Variants in SMCHD1 observed in about 807,000 individuals in gnomAD.
SMCHD1 encodes the protein structural maintenance of chromosomes flexible hinge domain containing 1.
Under a neutral mutation model 254.7 loss-of-function variants are expected in SMCHD1, and 78 were observed. The observed-to-expected ratio is 0.31, with a 90% CI of 0.26 to 0.37. The LOEUF is 0.37. Ranked by LOEUF, SMCHD1 falls within the 10% of genes least tolerant of loss-of-function variation. The pLI, the probability that SMCHD1 is intolerant of heterozygous loss-of-function variation, is 1.00. For synonymous variants in SMCHD1, 766 were observed against 794.9 expected (o/e 0.96, Z 0.61); for missense variants, 1,840 against 2,408.1 (o/e 0.76, Z 4.94).
At chr18:2,799,608 A>G (rs1184423640) in intron 47 of SMCHD1, among the ~76,000 whole-genome samples, 2 of 152,190 alleles carry the variant, frequency 1.3e-5, no homozygotes, top group Non-Finnish European at 2.9e-5. Context: ...ATATGGGTCT[A>G]ATGTCATGAC....
At position 2,778,200 on chromosome 18, in the gene SMCHD1, T is replaced by A; in HGVS notation, c.5508T>A (p.Ile1836=). Residue 1836 remains isoleucine, a synonymous_variant, in exon 44 of 48, where the codon ATT becomes ATA. Coordinates refer to ENST00000320876, the MANE Select transcript of SMCHD1 (RefSeq NM_015295.3). ...VFGMLLGDTI[I]LDNLDAANHY... ...GTATGCTGTTAGGAGACACCATTAT[T>A]TTGGATAATCTGGATGCGGCCAATC... 6.2e-7 allele frequency: 1 copy of A among 1,610,256 alleles called. No homozygotes were observed. The highest frequency in any genetic ancestry group is 1.3e-5 in the African/African-American group (1 of 74,936).
chr18:2,755,569 T>C (rs12968551), intron 34 of SMCHD1, among the ~76,000 whole-genome samples: 53 of 128,290 alleles, frequency 4.1e-4, no homozygotes, highest in Middle Eastern at 3.8e-3. Context: ...TTCTTTCTTT[T>C]TTTTTTTTTT....
intron 44 of SMCHD1, among the ~76,000 whole-genome samples, 197 bp downstream of exon 44, chr18:2,778,436 G>A (rs186228632): frequency 3.3e-5 from 5 of 152,266 alleles, no homozygotes; most frequent in Admixed American, 6.5e-5. Flanking sequence ...TTGGGGCTAC[G>A]AAATTGTCTA....
intron 1 of SMCHD1, among the ~76,000 whole-genome samples, chr18:2,662,136 G>A (rs1317139271): frequency 1.5e-5 from 2 of 136,498 alleles, no homozygotes; most frequent in Non-Finnish European, 3.1e-5. Flanking sequence ...TCCGCAGTCC[G>A]GCCTGGGCGA....
chr18:2,796,991 AG>A (rs2076276186), intron 47 of SMCHD1: 1 of 152,274 alleles, frequency 6.6e-6, no homozygotes, highest in Admixed American at 6.5e-5. Flanking sequence ...ATAAAACTTA[AG>A]CATTATGTTT....
At chr18:2,792,509 G>A (rs1001275883) in intron 45 of SMCHD1, among the ~76,000 whole-genome samples, 1 of 152,206 alleles carries the variant, frequency 6.6e-6, no homozygotes, top group Non-Finnish European at 1.5e-5. Flanking sequence ...ACAGGGTTCA[G>A]TAGTATCCAC....
chr18:2,735,047 G>C (rs559059196), intron 25 of SMCHD1, among the ~76,000 whole-genome samples: 1 of 147,042 alleles, frequency 6.8e-6, no homozygotes, highest in East Asian at 2.0e-4. Context: ...TCCAGCCTGG[G>C]AGACAGAGCA....
At chr18:2,777,426 G>T (rs1433014177) in intron 42 of SMCHD1, among the ~76,000 whole-genome samples, 1 of 152,208 alleles carries the variant, frequency 6.6e-6, no homozygotes, top group South Asian at 2.1e-4. Flanking sequence ...CCTCATATGT[G>T]TCTCAGTCTT....
chr18:2,802,792 T>A lies in SMCHD1; in HGVS notation c.*240T>A, dbSNP rs536452395. 22 of 395,216 alleles carry A rather than the reference T, an allele frequency of 5.6e-5. No individual in the cohort carries two copies. The highest frequency in any genetic ancestry group is 4.1e-4 in the African/African-American group (20 of 48,380). The allele number at this position is 395,216 out of a possible 1,614,324, so 24.5% of individuals were successfully genotyped here. A position where few individuals can be genotyped will look rare whatever the true frequency, so the allele number is the denominator to read the frequency against. ...TTCCAGACATTATGCCCTTTGGTTG[T>A]CACTACCTTGCAAATGTGTAAGAGG... On this transcript the variant is annotated 3_prime_UTR_variant, in exon 48 of 48. Coordinates refer to ENST00000320876, the MANE Select transcript of SMCHD1 (RefSeq NM_015295.3).
rs2074842623 is a variant in SMCHD1, at chr18:2,718,104, A to G, written c.2261-54A>G. ...GTGCCAATGTGACATTGCGTATTTC[A>G]TGTTTTACGTTGAATTTCTCAAGAC... On this transcript the variant is annotated intron_variant, in intron 17 of 47. Coordinates refer to ENST00000320876, the MANE Select transcript of SMCHD1 (RefSeq NM_015295.3). The surrounding 1 kb of genome is among the most constrained non-coding windows in gnomAD (Gnocchi z 4.6). The G allele has an allele frequency of 2.9e-6, 4 of 1,397,594 alleles. No homozygotes were observed. Among genetic ancestry groups the G allele is most frequent in the Middle Eastern group, 2.1e-4 (1 of 4,664 alleles). 86.6% of individuals were successfully genotyped at this position (1,397,594 alleles called of 1,614,324 possible).
chr18:2,802,647 G>A lies in SMCHD1; in HGVS notation c.*95G>A, dbSNP rs971557145. On this transcript the variant is annotated 3_prime_UTR_variant, in exon 48 of 48. Transcript: ENST00000320876. Reference sequence around the variant, plus strand: ...GACCAAGAGGGTGACTTACCAGACTGAGTATTTCTGGGGACAATACAAGTA... The same window carrying A: ...GACCAAGAGGGTGACTTACCAGACTAAGTATTTCTGGGGACAATACAAGTA... The A allele has an allele frequency of 2.5e-6, 3 of 1,190,220 alleles. No individual in the cohort carries two copies. The highest frequency in any genetic ancestry group is 3.5e-6 in the Non-Finnish European group (3 of 853,432). 73.7% of individuals were successfully genotyped at this position (1,190,220 alleles called of 1,614,324 possible).
intron 42 of SMCHD1, 66 bp from the exon 43 acceptor site, chr18:2,777,740 A>C (rs2076090636): frequency 9.7e-6 from 8 of 826,348 alleles, no homozygotes; most frequent in Non-Finnish European, 1.5e-5. Context: ...TGTTTTCCAT[A>C]TTGTCTTTTT....
intron 45 of SMCHD1, among the ~76,000 whole-genome samples, chr18:2,785,647 CA>C (rs1555656125): frequency 0.061 from 774 of 12,668 alleles, 2 homozygotes; most frequent in African/African-American, 0.19. Flanking sequence ...GACTCTGTCT[CA>C]AAAAAAAAAA....
At chr18:2,713,118 C>T (rs971522140) in intron 17 of SMCHD1, among the ~76,000 whole-genome samples, 5 of 152,140 alleles carry the variant, frequency 3.3e-5, no homozygotes, top group Admixed American at 6.5e-5. Flanking sequence ...CTTATGATTA[C>T]GTAAGTCTGT....
chr18:2,676,390 T>C (rs2073749048), intron 5 of SMCHD1, among the ~76,000 whole-genome samples: 1 of 152,190 alleles, frequency 6.6e-6, no homozygotes, highest in Non-Finnish European at 1.5e-5. Flanking sequence ...AGGGCCTCTT[T>C]GAGATTATAT....
In SMCHD1 at chr18:2,750,357, C is replaced by A; in HGVS notation, c.4015C>A (p.His1339Asn). 1 of 1,610,174 alleles carries A rather than the reference C, an allele frequency of 6.2e-7. No homozygotes were observed. The highest frequency in any genetic ancestry group is 8.5e-7 in the Non-Finnish European group (1 of 1,178,160). Residue 1339 changes from histidine to asparagine, a missense_variant, in exon 32 of 48, where the codon CAT becomes AAT. Physicochemically the swap from His to Asn is moderately conservative, Grantham distance 68. Transcript: ENST00000320876. ...CCTCTTTTGTTTTGTTAGGGGAGAG[C>A]ATACTCTTCAGGTTAAAGCCATCTA... ...VFSVFAPRGE[H>N]TLQVKAIYNK...
chr18:2,767,516 G>A (rs960498800), intron 37 of SMCHD1, among the ~76,000 whole-genome samples: 4 of 150,584 alleles, frequency 2.7e-5, no homozygotes, highest in African/African-American at 4.9e-5. Context: ...TGCAAATATC[G>A]TAGAGTATAC....
Position 2,743,260 on chromosome 18 carries a change from T to G in SMCHD1, c.3634-501T>G, listed in dbSNP as rs77513598. ...AAAGCTCCTGACCTTGTGGAAATCA[T>G]CTTGTCATGGAGAGAACATGCAATA... On this transcript the variant is annotated intron_variant, in intron 28 of 47. Transcript: ENST00000320876. Among the ~76,000 whole-genome samples the G allele has an allele frequency of 4.4e-3, 677 of 152,280 alleles. 5 individuals carry two copies. Among genetic ancestry groups the G allele is most frequent in the African/African-American group, 0.016 (645 of 41,548 alleles).
chr18:2,661,883 G>A (rs1050031717), intron 1 of SMCHD1, among the ~76,000 whole-genome samples: 26 of 152,136 alleles, frequency 1.7e-4, no homozygotes, highest in African/African-American at 6.3e-4. Context: ...AAGGCCGGGC[G>A]CGGTGGCTCA....
Sources: allele counts gnomAD v4.1 joint callset (sites outside exome capture counted in the v4.1 genomes callset), GRCh38; gene constraint gnomAD v4.1.1; non-coding constraint Gnocchi (gnomAD v3.1); transcripts MANE v1.5; gene names NCBI Gene and HGNC (gene_info 2026-07-23, HGNC 2026-07-21).